CCDC33: variants seen among roughly 807,000 people sequenced by gnomAD.
The protein encoded by CCDC33 is coiled-coil domain-containing protein 33.
In CCDC33, 94 loss-of-function variants were observed where a neutral mutation model predicts 91.9. That is an observed-to-expected ratio of 1.02 (90% CI 0.87 to 1.21). CCDC33 has a LOEUF of 1.21. Among genes scored for constraint, CCDC33 ranks in the 50% most tolerant of loss-of-function variants. CCDC33 has a pLI of 0.00. For missense variants in CCDC33, 940 were observed against 935.5 expected, an observed-to-expected ratio of 1.00 and a Z score of -0.06; for synonymous variants, 396 against 374.5, an observed-to-expected ratio of 1.06 and a Z score of -0.66.
rs1157515066 is a variant in CCDC33 at position 74,336,119 on chromosome 15, T to C, written c.*66T>C. 1 of 1,584,908 alleles carries C rather than the reference T, an allele frequency of 6.3e-7. No individual in the cohort carries two copies. The highest frequency in any genetic ancestry group is 8.6e-7 in the Non-Finnish European group (1 of 1,167,226). On this transcript the variant is annotated 3_prime_UTR_variant, in exon 19 of 19. Transcript: ENST00000398814. ...CATCACCGCCCCCTAAAAATGACGT[T>C]ATTAAATGTTGTAGCTCTGTGAGCA...
chr15:74,213,715 T>A (rs1029629412), upstream of CCDC33, among the ~76,000 whole-genome samples: 5 of 152,206 alleles, frequency 3.3e-5, no homozygotes, highest in Admixed American at 3.3e-4. Flanking sequence ...TCTGAGCCTG[T>A]GATCCTGTTG....
At chr15:74,334,664 T>TCCAGGGTCAGGGTTCAGTGTACAG (rs368203267) in intron 17 of CCDC33, among the ~76,000 whole-genome samples, 2,725 of 148,826 alleles carry the variant, frequency 0.018, 81 homozygotes, top group African/African-American at 0.065. Flanking sequence ...TCAGTGTATA[T>TCCAGGGTCAGGGTTCAGTGTACAG]CCAGGGTCAG....
At chr15:74,283,643 C>T (rs1344335078) in intron 10 of CCDC33, among the ~76,000 whole-genome samples, 3 of 152,126 alleles carry the variant, frequency 2.0e-5, no homozygotes, top group Admixed American at 6.5e-5. Flanking sequence ...GTGATTTTAG[C>T]GTCTCCTTCC....
Position 74,271,742 on chromosome 15 carries a change from C to CA in CCDC33, c.586_587insA (p.Pro196HisfsTer18). ...AGTCAACGAGCCCCTGGCCAACAAC[C>CA]CCAACCCCATAGTGGTGATTGCCCG... On this transcript the variant is annotated frameshift_variant, in exon 6 of 19. Coordinates refer to ENST00000398814, the MANE Select transcript of CCDC33 (RefSeq NM_025055.5). LOFTEE classifies it high-confidence loss of function. The CA allele has an allele frequency of 6.2e-7, 1 of 1,613,942 alleles. No homozygotes were observed. The highest frequency in any genetic ancestry group is 8.5e-7 in the Non-Finnish European group (1 of 1,179,866).
Position 74,284,826 on chromosome 15 carries a change from G to A in CCDC33, c.1095+2977G>A, listed in dbSNP as rs114335516. 7.3e-3 allele frequency among the ~76,000 whole-genome samples: 1,115 copies of A among 152,332 alleles called. 16 individuals are homozygous for A. The highest frequency in any genetic ancestry group is 0.025 in the African/African-American group (1,053 of 41,570). ...CAGGTTCCTGCCCCCTTATTGTTGC[G>A]CCTAAGGTGTTGCCTGCAACTTCAT... On this transcript the variant is annotated intron_variant, in intron 10 of 18. Coordinates refer to ENST00000398814, the MANE Select transcript of CCDC33 (RefSeq NM_025055.5).
At chr15:74,273,480 T>G (rs2076375282) in intron 7 of CCDC33, among the ~76,000 whole-genome samples, 1 of 152,234 alleles carries the variant, frequency 6.6e-6, no homozygotes, top group African/African-American at 2.4e-5. Flanking sequence ...TAAAAAAATT[T>G]TTTTTGAGAC....
At chr15:74,311,030 G>A (rs2059983772) in intron 11 of CCDC33, among the ~76,000 whole-genome samples, 1 of 151,670 alleles carries the variant, frequency 6.6e-6, no homozygotes, top group Non-Finnish European at 1.5e-5. Flanking sequence ...GCCTAGGCTG[G>A]AGGCAGGACC....
At chr15:74,283,764 A>G (rs1252792830) in intron 10 of CCDC33, among the ~76,000 whole-genome samples, 3 of 150,864 alleles carry the variant, frequency 2.0e-5, no homozygotes, top group African/African-American at 7.3e-5. Flanking sequence ...AAATAGTACT[A>G]GCAGAAATTC....
chr15:74,311,205 G>A (rs1489550971), intron 11 of CCDC33, among the ~76,000 whole-genome samples: 1 of 152,086 alleles, frequency 6.6e-6, no homozygotes, highest in Non-Finnish European at 1.5e-5. Context: ...AGGCCTCCTT[G>A]GATCCCCCAA....
At chr15:74,295,625 C>T in intron 10 of CCDC33, 129 bp from the exon 11 acceptor site, 3 of 717,018 alleles carry the variant, frequency 4.2e-6, no homozygotes, top group Admixed American at 2.7e-5. Flanking sequence ...AGGAGGTGTG[C>T]ACGGGCCAGC....
intron 5 of CCDC33, among the ~76,000 whole-genome samples, chr15:74,270,349 A>T (rs1229584639): frequency 6.6e-6 from 1 of 152,200 alleles, no homozygotes; most frequent in African/African-American, 2.4e-5. Context: ...CAGCATGTGC[A>T]AAGACCCTGT....
At chr15:74,306,040 G>A (rs1042249110) in intron 11 of CCDC33, among the ~76,000 whole-genome samples, 7 of 152,322 alleles carry the variant, frequency 4.6e-5, no homozygotes, top group Admixed American at 4.6e-4. Flanking sequence ...CTTATTAATA[G>A]TCGTTGTGTT....
At chr15:74,249,374 G>A (rs976734256) in intron 2 of CCDC33, among the ~76,000 whole-genome samples, 1 of 152,028 alleles carries the variant, frequency 6.6e-6, no homozygotes, top group South Asian at 2.1e-4. Context: ...TGTAGTCCCA[G>A]CTACTCGGGA....
chr15:74,231,867 T>A (rs1009434290), upstream of CCDC33, among the ~76,000 whole-genome samples: 1 of 151,986 alleles, frequency 6.6e-6, no homozygotes, highest in Non-Finnish European at 1.5e-5. Flanking sequence ...ATACAAAAAA[T>A]TAGCCGGGCG....
chr15:74,286,842 G>A (rs892791431), intron 10 of CCDC33, among the ~76,000 whole-genome samples: 4 of 152,058 alleles, frequency 2.6e-5, no homozygotes, highest in African/African-American at 9.7e-5. Flanking sequence ...AGGTGGCAGT[G>A]GCACCTGCTG....
intron 4 of CCDC33, 149 bp from the exon 5 acceptor site, chr15:74,268,193 C>T (rs2076218373): frequency 1.5e-6 from 1 of 646,178 alleles, no homozygotes; most frequent in Non-Finnish European, 2.9e-6. Flanking sequence ...CTTGGAAGGG[C>T]TCACAGGGAC....
Position 74,281,828 on chromosome 15 carries a change from C to T in CCDC33, c.1074C>T (p.Ser358=), listed in dbSNP as rs1375107746. 1 of 1,614,082 alleles carries T rather than the reference C, an allele frequency of 6.2e-7. No homozygotes were observed. The highest frequency in any genetic ancestry group is 1.7e-5 in the Admixed American group (1 of 60,036). The part of the protein sequence containing the change: ...INDEAPTVAL[S]FQLLSSERPE... The stretch of plus-strand genomic sequence containing the variant: ...ATGAGGCCCCCACAGTGGCTCTCTC[C>T]TTCCAGCTGCTTTCCTCTGAGGTAA... Residue 358 remains serine (S), a synonymous_variant, in exon 10 of 19, where the codon TCC becomes TCT. Transcript: ENST00000398814.
intron 11 of CCDC33, among the ~76,000 whole-genome samples, chr15:74,298,255 TTGA>T (rs917940899): frequency 2.0e-5 from 3 of 151,822 alleles, no homozygotes; most frequent in South Asian, 2.1e-4. Flanking sequence ...CTTATAAAAC[TTGA>T]TGATGATGAT....
Position 74,333,051 on chromosome 15 carries a change from A to T in CCDC33, c.1938+206A>T, listed in dbSNP as rs2060474643. On this transcript the variant is annotated intron_variant, in intron 16 of 18. Transcript: ENST00000398814. ...CCCCGAACACTTCACCTTTAACCTC[A>T]TCTAGCATCCCAGGAGAAAGCAAGC... 21 of 749,300 alleles carry T rather than the reference A, an allele frequency of 2.8e-5. No homozygotes were observed. In the South Asian group the frequency reaches 3.8e-4, roughly 14 times the overall value. The allele number at this position is 749,300 out of a possible 1,614,324, so 46.4% of individuals were successfully genotyped here.
Sources: gnomAD v4.1 joint callset for allele counts (sites outside exome capture counted in the v4.1 genomes callset) on GRCh38, gnomAD v4.1.1 for gene constraint, MANE v1.5 for transcripts, NCBI Gene and HGNC (gene_info 2026-07-23, HGNC 2026-07-21) for gene names.